Variants in KCNH1 observed in about 807,000 individuals in gnomAD.
The protein encoded by KCNH1 is voltage-gated delayed rectifier potassium channel KCNH1.
Under a neutral mutation model 69.2 loss-of-function variants are expected in KCNH1, and 27 were observed. The observed-to-expected ratio is 0.39, with a 90% CI of 0.29 to 0.54. KCNH1 has a LOEUF of 0.54. KCNH1 is among the 20% of genes least tolerant of loss of function. The probability of loss-of-function intolerance (pLI) is 0.68; values close to 1 mark genes in which losing one functional copy is unlikely to be tolerated. For missense variants in KCNH1, 798 were observed against 1,261.6 expected, an observed-to-expected ratio of 0.63 and a Z score of 5.57; for synonymous variants, 456 against 487.7, an observed-to-expected ratio of 0.93 and a Z score of 0.86.
intron 7 of KCNH1, among the ~76,000 whole-genome samples, chr1:210,907,679 A>G (rs1174732211): frequency 6.6e-6 from 1 of 152,174 alleles, no homozygotes; most frequent in African/African-American, 2.4e-5. Context: ...GCATGTGTCT[A>G]TGGGTGACAC....
At chr1:210,910,115 A>G (rs1392351135) in intron 7 of KCNH1, among the ~76,000 whole-genome samples, 1 of 148,848 alleles carries the variant, frequency 6.7e-6, no homozygotes, top group East Asian at 2.0e-4. Context: ...AATTGGCCTT[A>G]CTGCAAAATG....
At chr1:211,098,618 A>C (rs1256940961) in intron 3 of KCNH1, among the ~76,000 whole-genome samples, 6 of 152,206 alleles carry the variant, frequency 3.9e-5, no homozygotes, top group Admixed American at 2.0e-4. Context: ...CTACAGAATG[A>C]GACTGGGAAA....
rs757956649 is a variant in KCNH1 at position 211,133,938 on chromosome 1, A to G, written c.8T>C (p.Met3Thr). The G allele has an allele frequency of 1.2e-6, 2 of 1,608,732 alleles. No individual in the cohort carries two copies. Among genetic ancestry groups the G allele is most frequent in the Admixed American group, 1.7e-5 (1 of 59,260 alleles). MT[M>T]AGGRRGLVAP... ...CACTAGTCCCCTCCTGCCCCCAGCC[A>G]TGGTCATCCTCCCAGCAGCTCGGGG... The change falls in exon 1 of 11, where the codon ATG becomes ACG. Residue 3 changes from methionine (M) to threonine (T), a missense_variant. Physicochemically the swap from Met to Thr is moderately conservative, Grantham distance 81. Coordinates refer to ENST00000271751, the MANE Select transcript of KCNH1 (RefSeq NM_172362.3). This position sits in a 1 kb window ranked among gnomAD's most constrained non-coding sequence, Gnocchi z 5.4.
chr1:210,937,016 C>G (rs564360090), intron 6 of KCNH1, among the ~76,000 whole-genome samples: 1 of 152,260 alleles, frequency 6.6e-6, no homozygotes, highest in Admixed American at 6.5e-5. Flanking sequence ...ATACTAGACT[C>G]TGTTAATTAC....
At chr1:210,741,517 G>GAAAACTGAAGCTGTACTC (rs1422834652) in intron 10 of KCNH1, among the ~76,000 whole-genome samples, 1 of 152,154 alleles carries the variant, frequency 6.6e-6, no homozygotes, top group Non-Finnish European at 1.5e-5. Context: ...AAGCAGACGT[G>GAAAACTGAAGCTGTACTC]AAAACTGAAG....
At chr1:210,784,971 C>G (rs1684066445) in intron 9 of KCNH1, among the ~76,000 whole-genome samples, 1 of 152,194 alleles carries the variant, frequency 6.6e-6, no homozygotes, top group South Asian at 2.1e-4. Context: ...GTTCAACAAC[C>G]TGGCCTTACC....
chr1:211,089,771 T>C (rs368697269), intron 4 of KCNH1, among the ~76,000 whole-genome samples: 83 of 152,308 alleles, frequency 5.4e-4, no homozygotes, highest in African/African-American at 1.8e-3. Context: ...TGAAAAAGCT[T>C]GTGGCCTCTT....
chr1:210,941,699 G>A (rs1329237624), intron 6 of KCNH1, among the ~76,000 whole-genome samples: 1 of 152,166 alleles, frequency 6.6e-6, no homozygotes, highest in Non-Finnish European at 1.5e-5. Flanking sequence ...GGTGCCATGA[G>A]GGTGGACTTG....
intron 5 of KCNH1, among the ~76,000 whole-genome samples, chr1:211,059,799 A>AC (rs2102448524): frequency 6.6e-6 from 1 of 152,282 alleles, no homozygotes; most frequent in South Asian, 2.1e-4. Context: ...AATAATAGCT[A>AC]GAGACTTCTA....
chr1:210,980,901 A>G (rs559091780), intron 6 of KCNH1, among the ~76,000 whole-genome samples: 14 of 152,196 alleles, frequency 9.2e-5, no homozygotes, highest in Admixed American at 7.9e-4. Flanking sequence ...TTTACATATA[A>G]TGATACTGAG....
At chr1:210,879,305 A>G (rs1686446361) in intron 7 of KCNH1, among the ~76,000 whole-genome samples, 1 of 152,056 alleles carries the variant, frequency 6.6e-6, no homozygotes, top group Admixed American at 6.6e-5. Flanking sequence ...TAACAAAGAC[A>G]TTACAGAAAA....
chr1:210,950,777 A>G (rs1688049704), intron 6 of KCNH1, among the ~76,000 whole-genome samples: 1 of 152,178 alleles, frequency 6.6e-6, no homozygotes, highest in African/African-American at 2.4e-5. Context: ...TATCATCACA[A>G]GAACTCTATG....
chr1:210,751,525 G>T (rs907315797), intron 10 of KCNH1, among the ~76,000 whole-genome samples: 1 of 152,164 alleles, frequency 6.6e-6, no homozygotes, highest in Non-Finnish European at 1.5e-5. Context: ...AGGATGCAAG[G>T]CTTTAAGTGC....
intron 7 of KCNH1, among the ~76,000 whole-genome samples, chr1:210,916,561 C>T (rs1455316729): frequency 1.3e-5 from 2 of 152,182 alleles, no homozygotes; most frequent in East Asian, 3.9e-4. Flanking sequence ...TGTTAGACCA[C>T]GCTACCACAG....
chr1:210,787,767 T>G (rs530842927), intron 9 of KCNH1, among the ~76,000 whole-genome samples: 46 of 152,318 alleles, frequency 3.0e-4, no homozygotes, highest in African/African-American at 1.1e-3. Context: ...AGCTGAAAAT[T>G]TACAGACTAA....
chr1:210,832,538 C>A (rs763479223), intron 7 of KCNH1, among the ~76,000 whole-genome samples: 13 of 152,016 alleles, frequency 8.6e-5, no homozygotes, highest in Non-Finnish European at 1.8e-4. Context: ...ATTTTTAAAA[C>A]TAAACACAAA....
chr1:210,712,982 C>T (rs987831810), intron 10 of KCNH1, among the ~76,000 whole-genome samples: 1 of 152,140 alleles, frequency 6.6e-6, no homozygotes, highest in Non-Finnish European at 1.5e-5. Flanking sequence ...ATGCAGATGA[C>T]TCGTGCACAT....
intron 1 of KCNH1, among the ~76,000 whole-genome samples, chr1:211,129,310 G>A (rs1344940156): frequency 6.6e-6 from 1 of 152,180 alleles, no homozygotes; most frequent in African/African-American, 2.4e-5. Context: ...TAATGCTCAA[G>A]GAACCACTCC....
At chr1:211,119,143 G>A (rs1691641324) in intron 1 of KCNH1, among the ~76,000 whole-genome samples, 1 of 152,138 alleles carries the variant, frequency 6.6e-6, no homozygotes, top group Admixed American at 6.5e-5. Context: ...GGCAGATCAC[G>A]AGGTCAGGTG....
Sources: allele counts gnomAD v4.1 joint callset (sites outside exome capture counted in the v4.1 genomes callset), GRCh38; gene constraint gnomAD v4.1.1; non-coding constraint Gnocchi (gnomAD v3.1); transcripts MANE v1.5; gene names NCBI Gene and HGNC (gene_info 2026-07-23, HGNC 2026-07-21).